FBXW12: variants seen among roughly 807,000 people sequenced by gnomAD.
FBXW12 encodes the protein F-box/WD repeat-containing protein 12.
FBXW12 carries 43 observed loss-of-function variants against 55.3 expected under a neutral mutation model. The ratio of observed to expected loss-of-function variants is 0.78; its 90% CI spans 0.61 to 1.00. The LOEUF (loss-of-function observed/expected upper bound fraction) is 1.00. Ranked by LOEUF, FBXW12 falls within the 50% of genes least tolerant of loss-of-function variation. The pLI is 0.00. For synonymous variants in FBXW12, 184 were observed against 203.8 expected (o/e 0.90, Z 0.83); for missense variants, 524 against 560.5 (o/e 0.93, Z 0.66).
intron 10 of FBXW12, among the ~76,000 whole-genome samples, chr3:48,383,131 G>A (rs2106641601): frequency 6.6e-6 from 1 of 152,244 alleles, no homozygotes; most frequent in South Asian, 2.1e-4. Context: ...AGTGTTTTGA[G>A]GCAAAAATAC....
rs1027753406 is a variant in FBXW12 at position 48,394,643 on chromosome 3, A to C, written c.1379A>C (p.Tyr460Ser). ...KVSDSSILVMYSLNT is the reference protein window; with the variant it reads ...KVSDSSILVMSSLNT The stretch of plus-strand genomic sequence containing the variant: ...AGTGACTCCAGCATTCTGGTGATGT[A>C]TTCTTTGAATACGTAATATGGAAAC... The change falls in exon 11 of 11, where the codon TAT becomes TCT. Residue 460 changes from tyrosine (Y) to serine (S), a missense_variant. By Grantham distance (144) the Tyr-to-Ser change is moderately radical. Transcript: ENST00000296438. 2 of 1,582,108 alleles carry C rather than the reference A, an allele frequency of 1.3e-6. No homozygotes were observed. The highest frequency in any genetic ancestry group is 2.7e-5 in the African/African-American group (2 of 74,284).
Position 48,378,437 on chromosome 3 carries a change from C to T in FBXW12, c.526C>T (p.Gln176Ter). The stretch of plus-strand genomic sequence containing the variant: ...AAAAACTATCAAAGTGTGGAACTGT[C>T]AGGACAGGGACGCTCTGGCTGTTCT... ...RKKTIKVWNC[Q>*]DRDALAVLPM... is the part of the protein sequence containing the mutation. The change falls in exon 6 of 11, where the codon CAG (glutamine) becomes TAG (stop). Residue 176 changes from glutamine to a stop codon, truncating the protein, a stop_gained. Coordinates refer to ENST00000296438, the MANE Select transcript of FBXW12 (RefSeq NM_207102.2). LOFTEE classifies it high-confidence loss of function. 1 of 1,614,058 alleles carries T rather than the reference C, an allele frequency of 6.2e-7. No individual in the cohort carries two copies. The highest frequency in any genetic ancestry group is 8.5e-7 in the Non-Finnish European group (1 of 1,180,012).
At chr3:48,391,106 C>CAAAAA (rs587685327) in intron 10 of FBXW12, among the ~76,000 whole-genome samples, 1 of 82,908 alleles carries the variant, frequency 1.2e-5, no homozygotes, top group East Asian at 3.3e-4. Context: ...CCTGTCTCTA[C>CAAAAA]AAAAAAAAAA....
In FBXW12 at chr3:48,379,480, T is replaced by C. The variant is rs532757490; in HGVS notation, c.696T>C (p.Tyr232=). 20 of 1,613,788 alleles carry C rather than the reference T, an allele frequency of 1.2e-5. No homozygotes were observed. In the East Asian group the frequency reaches 4.0e-4, roughly 32 times the overall value. ...RDVSKVTAFQ[Y]GIVLLHCSPD... ...TTTCTAAAGTTACTGCATTTCAATA[T>C]GGTATTGTACTTCTACACTGCTCTC... Residue 232 remains tyrosine, a synonymous_variant, in exon 7 of 11, where the codon TAT becomes TAC. Coordinates refer to ENST00000296438, the MANE Select transcript of FBXW12 (RefSeq NM_207102.2).
chr3:48,377,225 A>G (rs1460979732), intron 5 of FBXW12, among the ~76,000 whole-genome samples: 1 of 152,218 alleles, frequency 6.6e-6, no homozygotes, highest in Non-Finnish European at 1.5e-5. Flanking sequence ...GATAATCACG[A>G]TCAATCTTGT....
chr3:48,392,034 A>T (rs1372283235), intron 10 of FBXW12, among the ~76,000 whole-genome samples: 2 of 152,196 alleles, frequency 1.3e-5, no homozygotes, highest in African/African-American at 4.8e-5. Context: ...AAAAAAATCA[A>T]TTGACCTTAA....
chr3:48,379,565 G>A lies in FBXW12; in HGVS notation c.774+7G>A. Reference sequence around the variant, plus strand: ...CAGTCGTACCTTGCCACAGGTAGGTGCTGTTCTGTGTATTTCAATTTCAGG... The same window carrying A: ...CAGTCGTACCTTGCCACAGGTAGGTACTGTTCTGTGTATTTCAATTTCAGG... On this transcript the variant is annotated splice_region_variant and intron_variant, in intron 7 of 10. Coordinates refer to ENST00000296438, the MANE Select transcript of FBXW12 (RefSeq NM_207102.2). The A allele has an allele frequency of 3.7e-6, 6 of 1,612,758 alleles. No homozygotes were observed. The highest frequency in any genetic ancestry group is 5.1e-6 in the Non-Finnish European group (6 of 1,178,798).
chr3:48,376,586 T>G (rs2036689905), intron 5 of FBXW12, among the ~76,000 whole-genome samples: 1 of 152,180 alleles, frequency 6.6e-6, no homozygotes, highest in Non-Finnish European at 1.5e-5. Context: ...TGAAGAGAAT[T>G]ACACTGAGAG....
At chr3:48,385,494 G>A (rs2106645934) in intron 10 of FBXW12, among the ~76,000 whole-genome samples, 1 of 152,264 alleles carries the variant, frequency 6.6e-6, no homozygotes, top group South Asian at 2.1e-4. Flanking sequence ...TGAGCGTGCA[G>A]ACATCTCTTC....
intron 7 of FBXW12, 109 bp downstream of exon 7, chr3:48,379,667 C>CT (rs2036737896): frequency 2.4e-6 from 2 of 835,962 alleles, no homozygotes; most frequent in African/African-American, 1.7e-5. Flanking sequence ...TCCTTCCTCT[C>CT]TAAGACCACA....
intron 3 of FBXW12, 89 bp from the exon 4 acceptor site, chr3:48,373,459 A>G (rs2036633103): frequency 3.1e-6 from 5 of 1,604,958 alleles, no homozygotes; most frequent in Non-Finnish European, 4.3e-6. Flanking sequence ...CAGGAAAGTT[A>G]GTGTGAGTAG....
Position 48,391,325 on chromosome 3 carries a change from C to CT in FBXW12, c.1296-3235_1296-3234insT, listed in dbSNP as rs1461228563. On this transcript the variant is annotated intron_variant, in intron 10 of 10. Transcript: ENST00000296438. Reference sequence around the variant, plus strand: ...CATATTATATCTATCTATACACACACACACACACACACACACACACACACA... The same window carrying CT: ...CATATTATATCTATCTATACACACACTACACACACACACACACACACACACA... 7.0e-4 allele frequency among the ~76,000 whole-genome samples: 85 copies of CT among 122,046 alleles called. 1 individual carries two copies. The highest frequency in any genetic ancestry group is 1.8e-3 in the African/African-American group (61 of 33,290). 80.1% of individuals were successfully genotyped at this position (122,046 alleles called of 152,430 possible).
At chr3:48,372,629 A>C (rs2036618038) in intron 1 of FBXW12, 55 bp from the exon 2 acceptor site, 1 of 1,565,910 alleles carries the variant, frequency 6.4e-7, no homozygotes, top group Non-Finnish European at 8.7e-7. Flanking sequence ...GAGTCTGCAC[A>C]CCTGCAGCTT....
At chr3:48,379,805 G>A (rs1018446885) in intron 7 of FBXW12, 4 of 447,862 alleles carry the variant, frequency 8.9e-6, no homozygotes, top group Non-Finnish European at 1.6e-5. Flanking sequence ...GATGGAAGAG[G>A]GTGAGACAGG....
At position 48,382,594 on chromosome 3, in the gene FBXW12, A is replaced by G. The variant is rs143367975; in HGVS notation, c.1295+509A>G. ...AAAGTGGCTCTCAATTTATATTCCCATGAGCAGTGGATAGATTATGTCCCA... is the reference window on the plus strand; with the variant it reads ...AAAGTGGCTCTCAATTTATATTCCCGTGAGCAGTGGATAGATTATGTCCCA... On this transcript the variant is annotated intron_variant, in intron 10 of 10. Coordinates refer to ENST00000296438, the MANE Select transcript of FBXW12 (RefSeq NM_207102.2). Among the ~76,000 whole-genome samples, 97 of 152,266 alleles carry G rather than the reference A, an allele frequency of 6.4e-4. No individual in the cohort carries two copies. In the East Asian group the frequency reaches 0.018, roughly 28 times the overall value.
chr3:48,373,548 G>A lies in FBXW12; in HGVS notation c.129G>A (p.Arg43=). 6.2e-7 allele frequency: 1 copy of A among 1,612,920 alleles called. No individual in the cohort carries two copies. The highest frequency in any genetic ancestry group is 1.3e-5 in the African/African-American group (1 of 74,990). The change falls in exon 4 of 11, where the codon AGG becomes AGA. Residue 43 remains arginine (R), a splice_region_variant and synonymous_variant. Transcript: ENST00000296438. ...NRIADSDYLW[R]SLSLQRWDCS... is the part of the protein sequence containing the mutation. ...GATGGGACTGTGACTCTGTTTCCAGGTCACTATCTCTGCAGAGATGGGACT... is the reference window on the plus strand; with the variant it reads ...GATGGGACTGTGACTCTGTTTCCAGATCACTATCTCTGCAGAGATGGGACT...
At chr3:48,378,252 C>A in intron 5 of FBXW12, 65 bp from the exon 6 acceptor site, 1 of 1,241,158 alleles carries the variant, frequency 8.1e-7, no homozygotes, top group Non-Finnish European at 1.2e-6. Context: ...TAAACATGGG[C>A]AGAATGAAAG....
At position 48,372,718 on chromosome 3, in the gene FBXW12, G is replaced by A. The variant is rs1176346611; in HGVS notation, c.-50G>A. On this transcript the variant is annotated 5_prime_UTR_variant, in exon 2 of 11. Transcript: ENST00000296438. ...CTTTGGCAAAGCCTATAAATTCAGAGCAGCCCGGAGAGGAGAAAGGAAAGT... is the reference window on the plus strand; with the variant it reads ...CTTTGGCAAAGCCTATAAATTCAGAACAGCCCGGAGAGGAGAAAGGAAAGT... 6.2e-7 allele frequency: 1 copy of A among 1,613,798 alleles called. No individual in the cohort carries two copies.
chr3:48,373,428 G>A, intron 3 of FBXW12, 83 bp downstream of exon 3: 1 of 1,611,602 alleles, frequency 6.2e-7, no homozygotes, highest in South Asian at 1.1e-5. Flanking sequence ...AGGCCTGTGT[G>A]GCTGTGTTGT....
Sources: allele counts gnomAD v4.1 joint callset (sites outside exome capture counted in the v4.1 genomes callset), GRCh38; gene constraint gnomAD v4.1.1; transcripts MANE v1.5; gene names NCBI Gene and HGNC (gene_info 2026-07-23, HGNC 2026-07-21).